ODAD2: variants seen among roughly 807,000 people sequenced by gnomAD.
The protein encoded by ODAD2 is outer dynein arm docking complex subunit 2.
ODAD2 carries 89 observed loss-of-function variants against 106.8 expected under a neutral mutation model. The observed-to-expected ratio is 0.83, with a 90% CI of 0.70 to 0.99. The LOEUF is 0.99. Among genes scored for constraint, ODAD2 ranks in the 50% least tolerant of loss-of-function variants. The probability of loss-of-function intolerance (pLI) is 0.00; values close to 1 mark genes in which losing one functional copy is unlikely to be tolerated. For missense variants in ODAD2, 1,168 were observed against 1,238.5 expected (o/e 0.94, Z 0.85); for synonymous variants, 404 against 436.2 (o/e 0.93, Z 0.92).
chr10:27,984,000 A>G (rs1849720760), intron 5 of ODAD2, 21 bp from the exon 6 acceptor site: 1 of 1,603,246 alleles, frequency 6.2e-7, no homozygotes, highest in Admixed American at 1.8e-5. Flanking sequence ...TCATCAAGCA[A>G]TTAACAGGAG....
At chr10:27,851,287 G>A (rs1302115973) in intron 19 of ODAD2, among the ~76,000 whole-genome samples, 2 of 152,014 alleles carry the variant, frequency 1.3e-5, no homozygotes, top group African/African-American at 4.8e-5. Context: ...ATAAAAGTAA[G>A]AACTGAAAGG....
At chr10:27,856,127 C>T (rs983219101) in intron 19 of ODAD2, among the ~76,000 whole-genome samples, 1 of 152,124 alleles carries the variant, frequency 6.6e-6, no homozygotes, top group Non-Finnish European at 1.5e-5. Context: ...CTCATATTTT[C>T]CACATAGTTT....
intron 19 of ODAD2, among the ~76,000 whole-genome samples, chr10:27,827,771 C>T (rs1837185341): frequency 6.6e-6 from 1 of 152,204 alleles, no homozygotes; most frequent in African/African-American, 2.4e-5. Flanking sequence ...ATAGGACCCA[C>T]TGATTCTCCA....
chr10:27,887,119 A>G (rs1273530516), intron 17 of ODAD2, among the ~76,000 whole-genome samples: 1 of 152,046 alleles, frequency 6.6e-6, no homozygotes, highest in African/African-American at 2.4e-5. Context: ...TTACAAGAGC[A>G]TCATTTTAGA....
chr10:27,869,824 C>T (rs1460499044), intron 17 of ODAD2, among the ~76,000 whole-genome samples: 1 of 152,054 alleles, frequency 6.6e-6, no homozygotes, highest in Non-Finnish European at 1.5e-5. Flanking sequence ...CATGAGCCAC[C>T]ATGCCTGGCC....
chr10:27,967,485 C>G (rs1848557688), intron 9 of ODAD2, among the ~76,000 whole-genome samples: 1 of 152,214 alleles, frequency 6.6e-6, no homozygotes, highest in Admixed American at 6.6e-5. Context: ...GCCTGACCCC[C>G]CAGGCATCAG....
intron 7 of ODAD2, among the ~76,000 whole-genome samples, chr10:27,979,489 G>A (rs1474569395): frequency 1.3e-5 from 2 of 151,440 alleles, no homozygotes; most frequent in East Asian, 3.9e-4. Context: ...AATGAATTCA[G>A]TGAAGTTGCG....
intron 17 of ODAD2, among the ~76,000 whole-genome samples, chr10:27,898,571 A>G (rs1285988088): frequency 6.6e-6 from 1 of 152,196 alleles, no homozygotes; most frequent in Non-Finnish European, 1.5e-5. Flanking sequence ...GTGACTGATT[A>G]AGATTATCCT....
chr10:27,863,673 C>T (rs977458613), intron 17 of ODAD2, among the ~76,000 whole-genome samples: 1 of 152,124 alleles, frequency 6.6e-6, no homozygotes, highest in African/African-American at 2.4e-5. Context: ...GACTACAAAT[C>T]CATACAATGA....
In ODAD2 at chr10:27,812,224, A is replaced by T; in HGVS notation, c.*288T>A. On this transcript the variant is annotated 3_prime_UTR_variant, in exon 20 of 20. Coordinates refer to ENST00000305242, the MANE Select transcript of ODAD2 (RefSeq NM_018076.5). The stretch of plus-strand genomic sequence containing the variant: ...GCCACAAATACAAAAGCATCACTGA[A>T]CTAAAAATACATCATATACGTATAT... The T allele has an allele frequency of 2.9e-6, 1 of 341,022 alleles. No homozygotes were observed. The highest frequency in any genetic ancestry group is 3.9e-5 in the South Asian group (1 of 25,422). The allele number at this position is 341,022 out of a possible 1,614,324, so 21.1% of individuals were successfully genotyped here.
At chr10:27,988,892 A>G (rs74127173) in intron 2 of ODAD2, among the ~76,000 whole-genome samples, 4,778 of 152,236 alleles carry the variant, frequency 0.031, 263 homozygotes, top group African/African-American at 0.11. Context: ...TGGGGAGACT[A>G]TTCTGGGTAT....
intron 17 of ODAD2, among the ~76,000 whole-genome samples, chr10:27,886,561 C>T (rs1463998511): frequency 6.6e-6 from 1 of 151,866 alleles, no homozygotes; most frequent in African/African-American, 2.4e-5. Context: ...AACTTGAAGC[C>T]ATACAAAAAT....
intron 7 of ODAD2, among the ~76,000 whole-genome samples, chr10:27,975,502 A>C (rs1487618501): frequency 6.6e-6 from 1 of 152,156 alleles, no homozygotes; most frequent in African/African-American, 2.4e-5. Context: ...CTATGAAAAA[A>C]GTTTATGCCA....
At chr10:27,886,649 T>G (rs753207222) in intron 17 of ODAD2, among the ~76,000 whole-genome samples, 51 of 152,208 alleles carry the variant, frequency 3.4e-4, no homozygotes, top group South Asian at 2.5e-3. Flanking sequence ...CTCCACTTTT[T>G]ATTTTCTACA....
intron 10 of ODAD2, among the ~76,000 whole-genome samples, chr10:27,948,423 T>G: frequency 6.6e-6 from 1 of 151,852 alleles, no homozygotes; most frequent in Non-Finnish European, 1.5e-5. Context: ...AGCCAATTGC[T>G]ATTCTTTAAA....
chr10:27,992,522 C>T (rs1397817510), intron 2 of ODAD2, among the ~76,000 whole-genome samples: 1 of 151,950 alleles, frequency 6.6e-6, no homozygotes, highest in African/African-American at 2.4e-5. Flanking sequence ...GATCCTGTCT[C>T]TACAAAAAAA....
chr10:27,878,905 T>C (rs1275003538), intron 17 of ODAD2, among the ~76,000 whole-genome samples: 2 of 152,118 alleles, frequency 1.3e-5, no homozygotes, highest in Non-Finnish European at 2.9e-5. Flanking sequence ...CTACCAAATG[T>C]AGTACTTCAA....
chr10:27,816,889 A>G (rs1182961155), intron 19 of ODAD2, among the ~76,000 whole-genome samples: 1 of 152,066 alleles, frequency 6.6e-6, no homozygotes, highest in Non-Finnish European at 1.5e-5. Context: ...AGCTGGGATT[A>G]CAGGCGTGTG....
At chr10:27,965,428 C>T (rs1280395087) in intron 9 of ODAD2, among the ~76,000 whole-genome samples, 1 of 149,532 alleles carries the variant, frequency 6.7e-6, no homozygotes, top group Admixed American at 6.8e-5. Flanking sequence ...TAAGAAAATT[C>T]ATTTCCTTGT....
Sources: allele counts gnomAD v4.1 joint callset (sites outside exome capture counted in the v4.1 genomes callset), GRCh38; gene constraint gnomAD v4.1.1; transcripts MANE v1.5; gene names NCBI Gene and HGNC (gene_info 2026-07-23, HGNC 2026-07-21).